Variants in SLC23A2 observed in about 807,000 individuals in gnomAD.
The protein encoded by SLC23A2 is solute carrier family 23 member 2.
A neutral mutation model predicts 73.3 loss-of-function variants in SLC23A2; 36 were observed. The observed-to-expected ratio is 0.49, with a 90% CI of 0.38 to 0.65. The LOEUF (loss-of-function observed/expected upper bound fraction) is 0.65, where lower values mean the gene tolerates loss of function less well. Among genes scored for constraint, SLC23A2 ranks in the 30% least tolerant of loss-of-function variants. The pLI is 0.00. For synonymous variants in SLC23A2, 343 were observed against 327.3 expected (o/e 1.05, Z -0.52); for missense variants, 507 against 841.6 (o/e 0.60, Z 4.92).
intron 3 of SLC23A2, among the ~76,000 whole-genome samples, chr20:4,930,579 G>C (rs1270145911): frequency 6.6e-6 from 1 of 152,130 alleles, no homozygotes; most frequent in Non-Finnish European, 1.5e-5. Context: ...AGCATTTTGG[G>C]AGGCCAAGGC....
Position 4,898,946 on chromosome 20 carries a change from G to A in SLC23A2, c.482+609C>T, listed in dbSNP as rs953784674. 3.0e-4 allele frequency among the ~76,000 whole-genome samples: 46 copies of A among 152,316 alleles called. 1 individual carries two copies. Among genetic ancestry groups the A allele is most frequent in the African/African-American group, 9.4e-4 (39 of 41,566 alleles). On this transcript the variant is annotated intron_variant, in intron 6 of 16. Transcript: ENST00000338244. ...GAGGATGAGCTGTTGTGTGCCAGGC[G>A]GGTTGAGGGAAGACACACAAGAAGG...
chr20:4,875,977 C>A (rs919321422), intron 9 of SLC23A2, among the ~76,000 whole-genome samples: 1 of 152,180 alleles, frequency 6.6e-6, no homozygotes, highest in Non-Finnish European at 1.5e-5. Flanking sequence ...GGAGAACATG[C>A]GTGTGTTGCT....
chr20:4,961,159 G>A (rs1399606863), intron 2 of SLC23A2, among the ~76,000 whole-genome samples: 2 of 148,878 alleles, frequency 1.3e-5, no homozygotes, highest in Non-Finnish European at 3.0e-5. Flanking sequence ...CCAGGCTGGA[G>A]TGCGGCGGCA....
At chr20:4,994,826 C>T (rs757982698) in intron 1 of SLC23A2, among the ~76,000 whole-genome samples, 1 of 151,690 alleles carries the variant, frequency 6.6e-6, no homozygotes, top group Admixed American at 6.6e-5. Context: ...CCCAACTACT[C>T]AGGAGGCTGA....
rs1254188406 is a variant in SLC23A2 at position 4,872,930 on chromosome 20, T to C, written c.1102+1006A>G. 1.3e-5 allele frequency among the ~76,000 whole-genome samples: 2 copies of C among 152,210 alleles called. No individual in the cohort carries two copies. Among genetic ancestry groups the C allele is most frequent in the East Asian group, 3.9e-4 (2 of 5,170 alleles). On this transcript the variant is annotated intron_variant, in intron 11 of 16. Transcript: ENST00000338244. This position sits in a 1 kb window ranked among gnomAD's most constrained non-coding sequence, Gnocchi z 4.4. ...TCATCAGGCCTGGCTCATTTTTGTATTTTTGTAGAGATGGGGTTTCACCAT... is the reference window on the plus strand; with the variant it reads ...TCATCAGGCCTGGCTCATTTTTGTACTTTTGTAGAGATGGGGTTTCACCAT...
In SLC23A2 at chr20:4,883,192, C is replaced by CT. The variant is rs1441762686; in HGVS notation, c.824+449dup. Among the ~76,000 whole-genome samples, 7 of 152,178 alleles carry CT rather than the reference C, an allele frequency of 4.6e-5. No individual in the cohort carries two copies. The highest frequency in any genetic ancestry group is 1.5e-5 in the Non-Finnish European group (1 of 68,030). On this transcript the variant is annotated intron_variant, in intron 9 of 16. Transcript: ENST00000338244. This position sits in a 1 kb window ranked among gnomAD's most constrained non-coding sequence, Gnocchi z 4.5. ...TCAGGAGTGCAGAGCTCAGTGTGGC[C>CT]TGGGGAGAAGAGTCACATCATCAAT... is the stretch of plus-strand genomic sequence containing the variant.
At chr20:4,945,342 G>C (rs930443219) in intron 2 of SLC23A2, among the ~76,000 whole-genome samples, 4 of 152,052 alleles carry the variant, frequency 2.6e-5, no homozygotes, top group Admixed American at 6.6e-5. Flanking sequence ...ACACAGTCTG[G>C]CTCTGGCACC....
intron 6 of SLC23A2, among the ~76,000 whole-genome samples, chr20:4,894,028 T>C (rs149184467): frequency 6.6e-6 from 1 of 152,270 alleles, no homozygotes; most frequent in Non-Finnish European, 1.5e-5. Context: ...GGCTGCAGGC[T>C]GGCTAGGGGA....
intron 9 of SLC23A2, among the ~76,000 whole-genome samples, chr20:4,877,933 T>A (rs1023244763): frequency 2.0e-5 from 3 of 152,184 alleles, no homozygotes; most frequent in African/African-American, 7.2e-5. Flanking sequence ...TCCATCAGAG[T>A]GACTTAGTTT....
At chr20:4,989,203 C>T (rs2087883937) in intron 1 of SLC23A2, among the ~76,000 whole-genome samples, 1 of 149,036 alleles carries the variant, frequency 6.7e-6, no homozygotes, top group African/African-American at 2.5e-5. Flanking sequence ...CGCTGCTGCA[C>T]TCCAGCCTGG....
chr20:4,982,097 C>T (rs75413142), intron 1 of SLC23A2, among the ~76,000 whole-genome samples: 4 of 152,046 alleles, frequency 2.6e-5, no homozygotes, highest in Non-Finnish European at 5.9e-5. Context: ...TGGGTTCAAG[C>T]CATTCTCCTG....
Position 4,857,330 on chromosome 20 carries a change from ACACACATG to A in SLC23A2, c.1721-134_1721-127del, listed in dbSNP as rs1929763596. ...CACACACACACACACACACACACAC[ACACACATG>A]GTCCCACAGATCAAACCTGCCTAGA... is the stretch of plus-strand genomic sequence containing the variant. On this transcript the variant is annotated intron_variant, in intron 16 of 16. Transcript: ENST00000338244. The surrounding 1 kb of genome is among the most constrained non-coding windows in gnomAD (Gnocchi z 4.0). The A allele has an allele frequency of 1.6e-5, 9 of 551,622 alleles. No homozygotes were observed. The East Asian group carries it at 1.8e-4, about 11-fold the overall frequency. 34.2% of individuals were successfully genotyped at this position (551,622 alleles called of 1,614,324 possible).
chr20:4,862,211 G>A lies in SLC23A2; in HGVS notation c.1487-126C>T. The A allele has an allele frequency of 1.1e-6, 1 of 928,878 alleles. No homozygotes were observed. Among genetic ancestry groups the A allele is most frequent in the Non-Finnish European group, 1.6e-6 (1 of 612,628 alleles). 57.5% of individuals were successfully genotyped at this position (928,878 alleles called of 1,614,324 possible). ...CAGAAACCAATGAGACCAGTGCAGGGACAGGAAGGGGGACGTGTGGGGTCA... is the reference window on the plus strand; with the variant it reads ...CAGAAACCAATGAGACCAGTGCAGGAACAGGAAGGGGGACGTGTGGGGTCA... On this transcript the variant is annotated intron_variant, in intron 14 of 16. Coordinates refer to ENST00000338244, the MANE Select transcript of SLC23A2 (RefSeq NM_005116.6). This position sits in a 1 kb window ranked among gnomAD's most constrained non-coding sequence, Gnocchi z 5.1.
intron 1 of SLC23A2, among the ~76,000 whole-genome samples, chr20:4,992,606 G>A (rs1421252747): frequency 6.7e-6 from 1 of 148,358 alleles, no homozygotes; most frequent in Admixed American, 6.9e-5. Flanking sequence ...CACCTCCCGG[G>A]TTCGAGTGAT....
chr20:4,909,095 G>A (rs534455214), intron 4 of SLC23A2, among the ~76,000 whole-genome samples: 9 of 152,156 alleles, frequency 5.9e-5, no homozygotes, highest in Non-Finnish European at 1.0e-4. Flanking sequence ...ACAGTAAAAT[G>A]TTAACATCTG....
At chr20:4,910,654 T>C (rs1465452544) in intron 4 of SLC23A2, among the ~76,000 whole-genome samples, 1 of 152,166 alleles carries the variant, frequency 6.6e-6, no homozygotes, top group Non-Finnish European at 1.5e-5. Flanking sequence ...CAGGCTGGTC[T>C]TGAACTCCTG....
At chr20:4,986,667 C>G (rs1263465636) in intron 1 of SLC23A2, among the ~76,000 whole-genome samples, 3 of 136,772 alleles carry the variant, frequency 2.2e-5, no homozygotes, top group African/African-American at 7.5e-5. Flanking sequence ...CACACACACA[C>G]ACACACACAC....
At chr20:4,994,135 T>C (rs2423077) in intron 1 of SLC23A2, among the ~76,000 whole-genome samples, 2,626 of 152,232 alleles carry the variant, frequency 0.017, 33 homozygotes, top group Non-Finnish European at 0.026. Context: ...ACTGACCACA[T>C]ATACCTTACT....
At chr20:4,988,635 C>T (rs138318844) in intron 1 of SLC23A2, among the ~76,000 whole-genome samples, 9 of 151,540 alleles carry the variant, frequency 5.9e-5, no homozygotes, top group African/African-American at 2.2e-4. Context: ...ACTCGGGAGG[C>T]TGAGGCAGGA....
Sources: allele counts gnomAD v4.1 joint callset (sites outside exome capture counted in the v4.1 genomes callset), GRCh38; gene constraint gnomAD v4.1.1; non-coding constraint Gnocchi (gnomAD v3.1); transcripts MANE v1.5; gene names NCBI Gene and HGNC (gene_info 2026-07-23, HGNC 2026-07-21).